Variants in UQCRC2 observed in about 807,000 individuals in gnomAD.
The protein encoded by UQCRC2 is ubiquinol-cytochrome c reductase core protein 2, also known as cytochrome b-c1 complex subunit 2, mitochondrial.
A neutral mutation model predicts 55.6 loss-of-function variants in UQCRC2; 49 were observed. The ratio of observed to expected loss-of-function variants is 0.88; its 90% CI spans 0.70 to 1.12. The LOEUF (loss-of-function observed/expected upper bound fraction) is 1.12. Ranked by LOEUF, UQCRC2 falls within the 50% of genes most tolerant of loss-of-function variation. UQCRC2 has a pLI of 0.00. For missense variants in UQCRC2, 506 were observed against 547.8 expected, an observed-to-expected ratio of 0.92 and a Z score of 0.76; for synonymous variants, 193 against 192.0, an observed-to-expected ratio of 1.01 and a Z score of -0.04.
rs555245847 is a variant in UQCRC2, at chr16:21,961,294, A to G, written c.333-1166A>G. The G allele has an allele frequency of 1.1e-3, 509 of 442,934 alleles. 11 individuals carry two copies. The highest frequency in any genetic ancestry group is 5.6e-3 in the Middle Eastern group (17 of 3,010). The allele number at this position is 442,934 out of a possible 1,614,324, so 27.4% of individuals were successfully genotyped here. The stretch of plus-strand genomic sequence containing the variant: ...TCACATTCACAAAGGTATTCTTTAT[A>G]AAGACTGGAAACGATCTAAGTGTCC... On this transcript the variant is annotated intron_variant, in intron 4 of 13. Transcript: ENST00000268379.
chr16:21,955,487 C>G (rs1898073173), intron 1 of UQCRC2, among the ~76,000 whole-genome samples: 1 of 152,206 alleles, frequency 6.6e-6, no homozygotes, highest in Non-Finnish European at 1.5e-5. Flanking sequence ...CACTCATCAT[C>G]TCCTCTAATA....
Position 21,970,142 on chromosome 16 carries a change from A to G in UQCRC2, c.671-1383A>G, listed in dbSNP as rs183317041. ...TCCGTCCATATTGTAGCATGTGTCA[A>G]TTCAATGTCTTATTCCCTTTTATGG... On this transcript the variant is annotated intron_variant, in intron 8 of 13. Transcript: ENST00000268379. 3.3e-5 allele frequency among the ~76,000 whole-genome samples: 5 copies of G among 152,326 alleles called. No individual in the cohort carries two copies. In the East Asian group the frequency reaches 5.8e-4, roughly 18 times the overall value.
intron 4 of UQCRC2, among the ~76,000 whole-genome samples, chr16:21,960,703 C>T (rs1034512154): frequency 3.9e-5 from 6 of 151,974 alleles, no homozygotes; most frequent in Non-Finnish European, 2.9e-5. Flanking sequence ...GGGCCATTGT[C>T]GGGTTATTCA....
intron 6 of UQCRC2, among the ~76,000 whole-genome samples, chr16:21,963,744 C>T (rs1353641448): frequency 1.3e-5 from 2 of 152,152 alleles, no homozygotes. Context: ...GCTGGGATTA[C>T]AGGCGTGAGC....
chr16:21,982,319 G>A (rs1481435299), intron 13 of UQCRC2, among the ~76,000 whole-genome samples: 1 of 152,104 alleles, frequency 6.6e-6, no homozygotes, highest in East Asian at 1.9e-4. Context: ...ACCAGCCTTT[G>A]AACTTGGAAG....
At chr16:21,959,381 A>G in intron 4 of UQCRC2, 1 of 273,380 alleles carries the variant, frequency 3.7e-6, no homozygotes, top group Non-Finnish European at 7.4e-6. Context: ...TATCTCAAGA[A>G]ACCACTTTGT....
chr16:21,966,726 C>G (rs1898336481), intron 7 of UQCRC2, among the ~76,000 whole-genome samples: 1 of 152,142 alleles, frequency 6.6e-6, no homozygotes, highest in Non-Finnish European at 1.5e-5. Context: ...AGACTGGACT[C>G]TAATGAGTTT....
At chr16:21,981,090 A>G (rs1197935944) in intron 13 of UQCRC2, among the ~76,000 whole-genome samples, 2 of 152,230 alleles carry the variant, frequency 1.3e-5, no homozygotes, top group Admixed American at 6.5e-5. Flanking sequence ...GCAGTTTCAT[A>G]TGATCCAACC....
Position 21,957,160 on chromosome 16 carries a change from C to A in UQCRC2, c.34-75C>A, listed in dbSNP as rs962715937. 2.1e-6 allele frequency: 3 copies of A among 1,452,758 alleles called. No individual in the cohort carries two copies. The African/African-American group carries it at 4.2e-5, about 20-fold the overall frequency. The allele number at this position is 1,452,758 out of a possible 1,614,324, so 90.0% of individuals were successfully genotyped here. A position where few individuals can be genotyped will look rare whatever the true frequency, so the allele number is the denominator to read the frequency against. Reference sequence around the variant, plus strand: ...CCGAACACCCTCTGTCGCTTGGGTACCCTAAGATACCATGCTTTTATATAA... The same window carrying A: ...CCGAACACCCTCTGTCGCTTGGGTAACCTAAGATACCATGCTTTTATATAA... On this transcript the variant is annotated intron_variant, in intron 1 of 13. Coordinates refer to ENST00000268379, the MANE Select transcript of UQCRC2 (RefSeq NM_003366.4).
chr16:21,961,094 C>G (rs1360905487), intron 4 of UQCRC2, among the ~76,000 whole-genome samples: 1 of 152,142 alleles, frequency 6.6e-6, no homozygotes, highest in Admixed American at 6.5e-5. Flanking sequence ...GCCCAGCATG[C>G]TGGGATTGCA....
chr16:21,964,281 A>C lies in UQCRC2; in HGVS notation c.515-1127A>C, dbSNP rs531536301. On this transcript the variant is annotated intron_variant, in intron 6 of 13. Coordinates refer to ENST00000268379, the MANE Select transcript of UQCRC2 (RefSeq NM_003366.4). ...GAGTGGCTTCTTCCCCACTGGCGGCAGTGAGGCACCAGCCTGCATCTATTC... is the reference window on the plus strand; with the variant it reads ...GAGTGGCTTCTTCCCCACTGGCGGCCGTGAGGCACCAGCCTGCATCTATTC... 3.2e-3 allele frequency among the ~76,000 whole-genome samples: 484 copies of C among 152,324 alleles called. 2 individuals are homozygous for C. The highest frequency in any genetic ancestry group is 0.01 in the African/African-American group (430 of 41,570).
At chr16:21,963,853 G>A (rs917676721) in intron 6 of UQCRC2, among the ~76,000 whole-genome samples, 1 of 152,088 alleles carries the variant, frequency 6.6e-6, no homozygotes, top group South Asian at 2.1e-4. Context: ...CTATTGTATT[G>A]CTATTATTGT....
chr16:21,968,489 C>T, intron 7 of UQCRC2, 139 bp from the exon 8 acceptor site: 1 of 592,630 alleles, frequency 1.7e-6, no homozygotes, highest in Non-Finnish European at 2.8e-6. Flanking sequence ...TAATTCACCT[C>T]AGTTAGTACC....
At chr16:21,978,403 A>T (rs573296651) in intron 12 of UQCRC2, among the ~76,000 whole-genome samples, 1 of 152,224 alleles carries the variant, frequency 6.6e-6, no homozygotes, top group Admixed American at 6.5e-5. Context: ...CACCATGTCT[A>T]TAAGTAATAA....
At chr16:21,965,608 T>C (rs1898307105) in intron 7 of UQCRC2, 103 bp downstream of exon 7, 2 of 995,966 alleles carry the variant, frequency 2.0e-6, no homozygotes, top group East Asian at 3.1e-5. Context: ...CTTCTAACTT[T>C]AAGAAATTCA....
chr16:21,955,182 T>C (rs1898069240), intron 1 of UQCRC2, among the ~76,000 whole-genome samples: 1 of 152,158 alleles, frequency 6.6e-6, no homozygotes, highest in Non-Finnish European at 1.5e-5. Flanking sequence ...TATGCCCATA[T>C]ATCTTAAAAG....
intron 8 of UQCRC2, among the ~76,000 whole-genome samples, chr16:21,970,101 CATA>C (rs766494452): frequency 1.3e-5 from 2 of 152,106 alleles, no homozygotes; most frequent in Middle Eastern, 3.2e-3. Context: ...TCTTACTTAG[CATA>C]ATGTTTTCAA....
chr16:21,975,278 A>G (rs1465958353), intron 11 of UQCRC2, among the ~76,000 whole-genome samples: 1 of 152,202 alleles, frequency 6.6e-6, no homozygotes, highest in African/African-American at 2.4e-5. Flanking sequence ...ATAAATTGAA[A>G]GACTGGACAA....
At chr16:21,972,183 A>G in intron 10 of UQCRC2, 61 bp downstream of exon 10, 2 of 1,526,740 alleles carry the variant, frequency 1.3e-6, no homozygotes, top group Non-Finnish European at 1.8e-6. Context: ...TTAAGATATA[A>G]TTCTGATAAT....
Sources: gnomAD v4.1 joint callset for allele counts (sites outside exome capture counted in the v4.1 genomes callset) on GRCh38, gnomAD v4.1.1 for gene constraint, MANE v1.5 for transcripts, NCBI Gene and HGNC (gene_info 2026-07-23, HGNC 2026-07-21) for gene names.